The following DLGAP1 variants were observed in gnomAD, a reference collection of about 807,000 sequenced individuals.
The protein encoded by DLGAP1 is disks large-associated protein 1.
DLGAP1 carries 11 observed loss-of-function variants against 90.8 expected under a neutral mutation model. That is an observed-to-expected ratio of 0.12 (90% CI 0.08 to 0.20). DLGAP1 has a LOEUF of 0.20. DLGAP1 is among the 10% of genes least tolerant of loss of function. The pLI, the probability that DLGAP1 is intolerant of heterozygous loss-of-function variation, is 1.00. For missense variants in DLGAP1, 1,050 were observed against 1,333.8 expected, an observed-to-expected ratio of 0.79 and a Z score of 3.31; for synonymous variants, 558 against 540.7, an observed-to-expected ratio of 1.03 and a Z score of -0.44.
intron 1 of DLGAP1, among the ~76,000 whole-genome samples, chr18:4,416,370 A>T (rs578067709): frequency 5.9e-4 from 86 of 146,830 alleles, no homozygotes; most frequent in Non-Finnish European, 1.1e-3. Flanking sequence ...GGGATTATCA[A>T]AATTGGCACA....
chr18:3,573,082 T>G (rs2054901954), intron 8 of DLGAP1, among the ~76,000 whole-genome samples: 1 of 152,200 alleles, frequency 6.6e-6, no homozygotes, highest in Non-Finnish European at 1.5e-5. Flanking sequence ...TATATACACT[T>G]TGATTAATTC....
At chr18:3,755,389 C>T (rs1213506031) in intron 5 of DLGAP1, among the ~76,000 whole-genome samples, 2 of 152,052 alleles carry the variant, frequency 1.3e-5, no homozygotes, top group African/African-American at 4.8e-5. Context: ...TGCAGCCTGT[C>T]AGAGACTTTC....
intron 2 of DLGAP1, among the ~76,000 whole-genome samples, chr18:4,126,071 C>T (rs150714145): frequency 1.3e-5 from 2 of 152,342 alleles, no homozygotes; most frequent in African/African-American, 4.8e-5. Flanking sequence ...TGGACTCAGG[C>T]TCATAGATGG....
intron 1 of DLGAP1, among the ~76,000 whole-genome samples, chr18:4,161,776 G>A (rs2076849967): frequency 2.0e-5 from 3 of 152,162 alleles, no homozygotes; most frequent in Admixed American, 2.0e-4. Flanking sequence ...GAAAATGCAT[G>A]CTGCTAATCA....
chr18:3,506,546 C>A (rs1405027700), intron 11 of DLGAP1, among the ~76,000 whole-genome samples: 1 of 148,516 alleles, frequency 6.7e-6, no homozygotes, highest in Non-Finnish European at 1.5e-5. Context: ...AAGTGGAACT[C>A]CATGTCAAAA....
chr18:3,829,138 T>C (rs112884154), intron 4 of DLGAP1, among the ~76,000 whole-genome samples: 13 of 152,364 alleles, frequency 8.5e-5, no homozygotes, highest in African/African-American at 2.9e-4. Flanking sequence ...CAAATCTGAC[T>C]CTACTTAGAC....
intron 7 of DLGAP1, among the ~76,000 whole-genome samples, chr18:3,664,733 G>C (rs2146651580): frequency 6.6e-6 from 1 of 152,288 alleles, no homozygotes; most frequent in East Asian, 1.9e-4. Flanking sequence ...AACTCCATGA[G>C]AACAAAGGGT....
intron 7 of DLGAP1, among the ~76,000 whole-genome samples, chr18:3,705,303 CTTT>C (rs34878394): frequency 7.0e-6 from 1 of 142,126 alleles, no homozygotes; most frequent in Non-Finnish European, 1.5e-5. Context: ...TTTCAGGCTA[CTTT>C]TTTTTTTTTT....
At chr18:4,076,875 C>T (rs1466607077) in intron 2 of DLGAP1, among the ~76,000 whole-genome samples, 10 of 152,226 alleles carry the variant, frequency 6.6e-5, no homozygotes, top group Admixed American at 3.9e-4. Context: ...CCACCTGCCT[C>T]GGCCTCCCAA....
At chr18:4,230,261 C>A (rs2078272730) in intron 1 of DLGAP1, among the ~76,000 whole-genome samples, 1 of 151,966 alleles carries the variant, frequency 6.6e-6, no homozygotes, top group Non-Finnish European at 1.5e-5. Flanking sequence ...ATTATATGAC[C>A]CAGCAATCTC....
intron 3 of DLGAP1, among the ~76,000 whole-genome samples, chr18:3,982,568 C>T (rs569464217): frequency 9.7e-4 from 148 of 152,224 alleles, no homozygotes; most frequent in African/African-American, 3.5e-3. Flanking sequence ...CTCTCAGAGA[C>T]GTGGTGAGGT....
rs1341925916 is a variant in DLGAP1, at chr18:3,996,065, G to A, written c.-73+9051C>T. Reference sequence around the variant, plus strand: ...CCTAATTCAATACTTAACTTTTAAAGTTAGAAACATTTTAAATATATTTAT... The same window carrying A: ...CCTAATTCAATACTTAACTTTTAAAATTAGAAACATTTTAAATATATTTAT... On this transcript the variant is annotated intron_variant, in intron 3 of 12. Coordinates refer to ENST00000315677, the MANE Select transcript of DLGAP1 (RefSeq NM_004746.4). 5.9e-5 allele frequency among the ~76,000 whole-genome samples: 9 copies of A among 152,060 alleles called. No homozygotes were observed. The East Asian group carries it at 1.4e-3, about 23-fold the overall frequency.
At chr18:4,339,458 C>T (rs980997802) in intron 1 of DLGAP1, among the ~76,000 whole-genome samples, 1 of 152,050 alleles carries the variant, frequency 6.6e-6, no homozygotes, top group Non-Finnish European at 1.5e-5. Flanking sequence ...GCACATCCTG[C>T]ACATGTATCC....
chr18:4,295,850 A>C (rs1369973072), intron 1 of DLGAP1, among the ~76,000 whole-genome samples: 1 of 152,234 alleles, frequency 6.6e-6, no homozygotes, highest in East Asian at 1.9e-4. Context: ...TTGTTTCCTG[A>C]AAGGCCTCCA....
chr18:3,597,894 ATCC>A (rs1377056357), intron 7 of DLGAP1: 1 of 152,628 alleles, frequency 6.6e-6, no homozygotes, highest in African/African-American at 2.4e-5. Context: ...TTAATTTTTC[ATCC>A]TCCTCCTTCT....
chr18:4,182,887 G>A (rs1488199241), intron 1 of DLGAP1, among the ~76,000 whole-genome samples: 1 of 152,126 alleles, frequency 6.6e-6, no homozygotes, highest in African/African-American at 2.4e-5. Context: ...TGATAACACC[G>A]AATTCACTTC....
intron 2 of DLGAP1, among the ~76,000 whole-genome samples, chr18:4,089,869 C>T (rs961937020): frequency 2.0e-5 from 3 of 152,102 alleles, no homozygotes; most frequent in South Asian, 2.1e-4. Context: ...CACGGTGAAA[C>T]CCCGTCTCTA....
chr18:3,772,386 T>TTCTTTC (rs1568109414), intron 5 of DLGAP1, among the ~76,000 whole-genome samples: 1 of 9,604 alleles, frequency 1.0e-4, no homozygotes, highest in Non-Finnish European at 6.4e-4. Context: ...CTTTCTTTCT[T>TTCTTTC]TCTTTCTTTC....
chr18:3,654,177 T>TATCC (rs1284753650), intron 7 of DLGAP1, among the ~76,000 whole-genome samples: 40 of 152,278 alleles, frequency 2.6e-4, no homozygotes, highest in African/African-American at 9.4e-4. Flanking sequence ...TGACTTCTGG[T>TATCC]ATCCGCAGCC....
Sources: allele counts gnomAD v4.1 joint callset (sites outside exome capture counted in the v4.1 genomes callset), GRCh38; gene constraint gnomAD v4.1.1; transcripts MANE v1.5; gene names NCBI Gene and HGNC (gene_info 2026-07-23, HGNC 2026-07-21).